AGBL4: variants seen among roughly 807,000 people sequenced by gnomAD.
AGBL4 encodes the protein AGBL carboxypeptidase 4.
In AGBL4, 58 loss-of-function variants were observed where a neutral mutation model predicts 66.4. The ratio of observed to expected loss-of-function variants is 0.87; its 90% CI spans 0.71 to 1.09. AGBL4 has a LOEUF of 1.09. AGBL4 is among the 50% of genes least tolerant of loss of function. The pLI, the probability that AGBL4 is intolerant of heterozygous loss-of-function variation, is 0.00. For synonymous variants in AGBL4, 234 were observed against 222.9 expected (o/e 1.05, Z -0.44); for missense variants, 579 against 631.0 (o/e 0.92, Z 0.88).
chr1:48,597,815 GAGAA>G (rs1645017635), intron 9 of AGBL4, among the ~76,000 whole-genome samples: 2 of 141,102 alleles, frequency 1.4e-5, no homozygotes, highest in South Asian at 2.2e-4. Flanking sequence ...AAGAAAGAGA[GAGAA>G]AGAAAGAGAA....
intron 3 of AGBL4, 107 bp downstream of exon 3, chr1:49,697,206 A>G: frequency 7.9e-7 from 1 of 1,265,952 alleles, no homozygotes; most frequent in Middle Eastern, 2.0e-4. Flanking sequence ...CTGTGGATAA[A>G]CAAGAATATA....
intron 5 of AGBL4, among the ~76,000 whole-genome samples, chr1:48,878,354 G>A (rs1649422703): frequency 6.6e-6 from 1 of 152,152 alleles, no homozygotes; most frequent in Non-Finnish European, 1.5e-5. Context: ...CCCCAGCTTT[G>A]CCACTAACTT....
At chr1:49,066,621 G>A (rs893302305) in intron 4 of AGBL4, among the ~76,000 whole-genome samples, 2 of 152,182 alleles carry the variant, frequency 1.3e-5, no homozygotes, top group African/African-American at 2.4e-5. Flanking sequence ...TCAGTATTGC[G>A]AATGCGTATT....
rs545849083 is a variant in AGBL4, at chr1:49,235,285, C to A, written c.377+10485G>T. 2.6e-5 allele frequency among the ~76,000 whole-genome samples: 4 copies of A among 152,328 alleles called. No homozygotes were observed. The South Asian group carries it at 8.3e-4, about 32-fold the overall frequency. Reference sequence around the variant, plus strand: ...TCTGCTATGAGAGAGAGAATTTAAGCAGCACAATAGCACAATCTCTGTATT... The same window carrying A: ...TCTGCTATGAGAGAGAGAATTTAAGAAGCACAATAGCACAATCTCTGTATT... On this transcript the variant is annotated intron_variant, in intron 4 of 13. Coordinates refer to ENST00000371839, the MANE Select transcript of AGBL4 (RefSeq NM_032785.4).
At chr1:48,570,018 GC>G (rs1644534029) in intron 11 of AGBL4, among the ~76,000 whole-genome samples, 2 of 152,206 alleles carry the variant, frequency 1.3e-5, no homozygotes, top group South Asian at 4.1e-4. Context: ...CAGTCTAGAT[GC>G]CCTGCCATCC....
chr1:49,733,802 C>A (rs1649645874), intron 2 of AGBL4, among the ~76,000 whole-genome samples: 1 of 152,068 alleles, frequency 6.6e-6, no homozygotes, highest in Admixed American at 6.6e-5. Context: ...TTTTACTCTA[C>A]AACCAAAGCC....
At chr1:49,244,332 A>T (rs1651464023) in intron 4 of AGBL4, among the ~76,000 whole-genome samples, 1 of 151,800 alleles carries the variant, frequency 6.6e-6, no homozygotes, top group African/African-American at 2.4e-5. Context: ...ATTATTATCT[A>T]CTTGGGCTGG....
At chr1:49,144,974 G>C (rs1021465582) in intron 4 of AGBL4, among the ~76,000 whole-genome samples, 2 of 152,284 alleles carry the variant, frequency 1.3e-5, no homozygotes. Context: ...GAAGATGTGG[G>C]AGAGAAAGTT....
intron 1 of AGBL4, among the ~76,000 whole-genome samples, chr1:49,895,843 T>G (rs767677909): frequency 3.7e-4 from 54 of 146,342 alleles, no homozygotes; most frequent in Non-Finnish European, 7.1e-4. Flanking sequence ...AGAAAACAAA[T>G]AACAAAATGG....
chr1:49,713,431 T>G (rs1558184841), intron 2 of AGBL4, among the ~76,000 whole-genome samples: 1 of 152,070 alleles, frequency 6.6e-6, no homozygotes, highest in Non-Finnish European at 1.5e-5. Flanking sequence ...CATTGACAGA[T>G]TCATTTTTGA....
At chr1:49,743,606 A>G (rs985863572) in intron 2 of AGBL4, among the ~76,000 whole-genome samples, 4 of 152,184 alleles carry the variant, frequency 2.6e-5, no homozygotes. Flanking sequence ...ATGCGCACGT[A>G]TGTTTATTGT....
At chr1:48,978,291 AT>A (rs1362774566) in intron 5 of AGBL4, among the ~76,000 whole-genome samples, 1 of 152,146 alleles carries the variant, frequency 6.6e-6, no homozygotes, top group Non-Finnish European at 1.5e-5. Flanking sequence ...TGCAAATTAC[AT>A]TTCCCAGATG....
intron 3 of AGBL4, among the ~76,000 whole-genome samples, chr1:49,543,062 G>C (rs957848117): frequency 8.6e-5 from 13 of 152,004 alleles, no homozygotes; most frequent in African/African-American, 2.9e-4. Flanking sequence ...AGGAGAGAAA[G>C]TAATTAATTT....
At chr1:49,256,484 T>TG (rs1652515951) in intron 3 of AGBL4, among the ~76,000 whole-genome samples, 1 of 152,110 alleles carries the variant, frequency 6.6e-6, no homozygotes, top group Admixed American at 6.6e-5. Flanking sequence ...TAATCAAAAG[T>TG]GCAAGACTTC....
chr1:49,230,658 T>G (rs931124450), intron 4 of AGBL4, among the ~76,000 whole-genome samples: 1 of 152,218 alleles, frequency 6.6e-6, no homozygotes, highest in African/African-American at 2.4e-5. Context: ...GGAGGAAATA[T>G]AATGGAAATA....
At chr1:48,756,883 T>C (rs1036295870) in intron 6 of AGBL4, among the ~76,000 whole-genome samples, 1 of 152,210 alleles carries the variant, frequency 6.6e-6, no homozygotes, top group Admixed American at 6.5e-5. Flanking sequence ...GTAATGATGA[T>C]GGTGACTCAG....
intron 3 of AGBL4, among the ~76,000 whole-genome samples, chr1:49,467,597 G>A (rs1239927041): frequency 6.6e-6 from 1 of 151,820 alleles, no homozygotes; most frequent in East Asian, 1.9e-4. Context: ...CCTGAGAAGG[G>A]AAGGGTCTTT....
At chr1:49,789,812 C>A (rs951810840) in intron 2 of AGBL4, among the ~76,000 whole-genome samples, 2 of 152,126 alleles carry the variant, frequency 1.3e-5, no homozygotes, top group African/African-American at 4.8e-5. Flanking sequence ...ACTTTCTTCA[C>A]AGAATTAGAA....
intron 5 of AGBL4, among the ~76,000 whole-genome samples, chr1:49,009,140 T>A (rs1287363535): frequency 2.7e-5 from 4 of 150,842 alleles, no homozygotes; most frequent in Admixed American, 2.0e-4. Flanking sequence ...GCAAGACTAA[T>A]AAAGAAAAAA....
Sources: gnomAD v4.1 joint callset for allele counts (sites outside exome capture counted in the v4.1 genomes callset) on GRCh38, gnomAD v4.1.1 for gene constraint, MANE v1.5 for transcripts, NCBI Gene and HGNC (gene_info 2026-07-23, HGNC 2026-07-21) for gene names.